Variants in LEPR observed in about 807,000 individuals in gnomAD.
LEPR encodes the protein OB receptor.
LEPR carries 56 observed loss-of-function variants against 114.7 expected under a neutral mutation model. That is an observed-to-expected ratio of 0.49 (90% CI 0.39 to 0.61). The LOEUF is 0.61. LEPR is among the 20% of genes least tolerant of loss of function. LEPR has a pLI of 0.00. For missense variants in LEPR, 1,202 were observed against 1,352.9 expected (o/e 0.89, Z 1.75); for synonymous variants, 443 against 461.4 (o/e 0.96, Z 0.51).
chr1:65,606,595 G>A (rs1040732971), intron 11 of LEPR, among the ~76,000 whole-genome samples: 1 of 152,014 alleles, frequency 6.6e-6, no homozygotes, highest in Non-Finnish European at 1.5e-5. Context: ...GGGTATTGAG[G>A]GAATCACGTA....
chr1:65,456,171 C>T (rs187630165), intron 2 of LEPR, among the ~76,000 whole-genome samples: 5 of 152,158 alleles, frequency 3.3e-5, no homozygotes, highest in South Asian at 2.1e-4. Context: ...CATTGACCTG[C>T]GCCCACTGTC....
chr1:65,567,175 T>G (rs1246818012), intron 3 of LEPR, among the ~76,000 whole-genome samples: 2 of 152,160 alleles, frequency 1.3e-5, no homozygotes, highest in Non-Finnish European at 2.9e-5. Flanking sequence ...GAAAGAAATA[T>G]CATTTGCAAA....
rs1300729324 is a variant in LEPR at position 65,633,107 on chromosome 1, A to AT, written c.2674-3078dup. ...TCTTTTATCTTTTTCTTTGTGAGTG[A>AT]TTTTTTATTTTGCTTTCTTATTTTG... On this transcript the variant is annotated intron_variant, in intron 19 of 19. Coordinates refer to ENST00000349533, the MANE Select transcript of LEPR (RefSeq NM_002303.6). The surrounding 1 kb of genome is among the most constrained non-coding windows in gnomAD (Gnocchi z 4.1). 3.1e-6 allele frequency: 4 copies of AT among 1,303,826 alleles called. No individual in the cohort carries two copies. Among genetic ancestry groups the AT allele is most frequent in the African/African-American group, 1.5e-5 (1 of 68,690 alleles). 80.8% of individuals were successfully genotyped at this position (1,303,826 alleles called of 1,614,324 possible). A position where few individuals can be genotyped will look rare whatever the true frequency, so the allele number is the denominator to read the frequency against.
chr1:65,455,636 C>T (rs1461354732), intron 2 of LEPR, among the ~76,000 whole-genome samples: 19 of 150,868 alleles, frequency 1.3e-4, no homozygotes, highest in East Asian at 3.9e-4. Flanking sequence ...GCAGTCTGTC[C>T]GTTCTCAGAT....
chr1:65,455,983 G>C (rs1007859435), intron 2 of LEPR, among the ~76,000 whole-genome samples: 1 of 152,120 alleles, frequency 6.6e-6, no homozygotes, highest in African/African-American at 2.4e-5. Context: ...ATAATCTCCT[G>C]GTGCGCCATT....
rs145651189 is a variant in LEPR at position 65,636,536 on chromosome 1, A to T, written c.3019A>T (p.Ser1007Cys). Reference protein sequence around the residue: ...ETGEEQGLINSSVTKCFSSKN... With the variant: ...ETGEEQGLINCSVTKCFSSKN... ...TGGTGAAGAACAAGGGCTTATAAAT[A>T]GTTCAGTCACCAAGTGCTTCTCTAG... Residue 1007 changes from serine to cysteine, a missense_variant, in exon 20 of 20, where the codon AGT becomes TGT. By Grantham distance (112) the Ser-to-Cys change is moderately radical (BLOSUM62 -1). Coordinates refer to ENST00000349533, the MANE Select transcript of LEPR (RefSeq NM_002303.6). 7.7e-4 allele frequency: 1,236 copies of T among 1,614,120 alleles called. 17 individuals are homozygous for T. The South Asian group carries it at 9.0e-3, about 12-fold the overall frequency.
intron 2 of LEPR, among the ~76,000 whole-genome samples, chr1:65,507,010 A>G (rs1197055523): frequency 6.6e-6 from 1 of 152,034 alleles, no homozygotes; most frequent in Non-Finnish European, 1.5e-5. Flanking sequence ...TGACTTTTTA[A>G]GATTCCACAT....
chr1:65,421,493 A>T (rs1646250144), intron 1 of LEPR: 1 of 1,535,900 alleles, frequency 6.5e-7, no homozygotes, highest in East Asian at 2.4e-5. Context: ...TCTGTCGAAT[A>T]GAGTAGCATG....
At chr1:65,454,543 A>G (rs1293334159) in intron 2 of LEPR, among the ~76,000 whole-genome samples, 8 of 151,938 alleles carry the variant, frequency 5.3e-5, no homozygotes, top group African/African-American at 1.7e-4. Context: ...CACTTATGAA[A>G]CTTAGTTTGG....
At chr1:65,614,858 A>G (rs760202365) in intron 14 of LEPR, among the ~76,000 whole-genome samples, 2 of 152,184 alleles carry the variant, frequency 1.3e-5, no homozygotes, top group African/African-American at 2.4e-5. Context: ...TCTAATTACC[A>G]TCGTTCAATA....
At chr1:65,580,453 G>A (rs966984530) in intron 5 of LEPR, among the ~76,000 whole-genome samples, 1 of 152,184 alleles carries the variant, frequency 6.6e-6, no homozygotes, top group Non-Finnish European at 1.5e-5. Flanking sequence ...GTTTGTAAGG[G>A]ATTTAAAACC....
intron 2 of LEPR, among the ~76,000 whole-genome samples, chr1:65,551,442 G>T (rs1210778101): frequency 1.3e-5 from 2 of 152,062 alleles, no homozygotes; most frequent in Admixed American, 6.5e-5. Context: ...GTCTTGGGAG[G>T]TGTATGGGTC....
chr1:65,432,156 A>T, intron 2 of LEPR: 1 of 1,171,688 alleles, frequency 8.5e-7, no homozygotes, highest in Non-Finnish European at 1.1e-6. Flanking sequence ...CTGTTCATGT[A>T]GTCACGGTGC....
chr1:65,497,001 T>C (rs527411642), intron 2 of LEPR, among the ~76,000 whole-genome samples: 13 of 151,768 alleles, frequency 8.6e-5, no homozygotes, highest in South Asian at 2.1e-4. Flanking sequence ...TATATATATA[T>C]ACACACACAC....
At chr1:65,440,815 G>C (rs960060476) in intron 2 of LEPR, among the ~76,000 whole-genome samples, 2 of 152,172 alleles carry the variant, frequency 1.3e-5, no homozygotes, top group African/African-American at 4.8e-5. Flanking sequence ...GCCTGATTAT[G>C]TTTTATTCGG....
chr1:65,549,605 T>C (rs373263071), intron 2 of LEPR, among the ~76,000 whole-genome samples: 56 of 151,278 alleles, frequency 3.7e-4, no homozygotes, highest in East Asian at 1.6e-3. Flanking sequence ...TTGATCGCAT[T>C]GGCTCCTGAG....
chr1:65,557,386 ATTCT>A, intron 2 of LEPR, among the ~76,000 whole-genome samples: 1 of 152,146 alleles, frequency 6.6e-6, no homozygotes, highest in South Asian at 2.1e-4. Context: ...CCTTTGCTTC[ATTCT>A]TTTTTCACCA....
chr1:65,565,060 C>G (rs761250009), intron 2 of LEPR, among the ~76,000 whole-genome samples: 2 of 152,108 alleles, frequency 1.3e-5, no homozygotes, highest in South Asian at 4.1e-4. Context: ...AATTTCTCCT[C>G]TTTATTGGAA....
intron 2 of LEPR, chr1:65,525,740 G>C (rs1217546457): frequency 5.1e-6 from 5 of 986,056 alleles, no homozygotes; most frequent in Non-Finnish European, 6.0e-6. Context: ...ACGGCCAGCC[G>C]AGCGCGCGCG....
Sources: gnomAD v4.1 joint callset for allele counts (sites outside exome capture counted in the v4.1 genomes callset) on GRCh38, gnomAD v4.1.1 for gene constraint, Gnocchi (gnomAD v3.1) non-coding constraint, MANE v1.5 for transcripts, NCBI Gene and HGNC (gene_info 2026-07-23, HGNC 2026-07-21) for gene names.